THSD4: variants seen among roughly 807,000 people sequenced by gnomAD.
THSD4 encodes the protein thrombospondin type 1 domain containing 4, also known as thrombospondin type-1 domain-containing protein 4.
A neutral mutation model predicts 119.0 loss-of-function variants in THSD4; 69 were observed. The observed-to-expected ratio is 0.58, with a 90% confidence interval of 0.48 to 0.71. The LOEUF is 0.71. Among genes scored for constraint, THSD4 ranks in the 30% least tolerant of loss-of-function variants. The probability of loss-of-function intolerance (pLI) is 0.00; values close to 1 mark genes in which losing one functional copy is unlikely to be tolerated. For synonymous variants in THSD4, 524 were observed against 540.4 expected (o/e 0.97, Z 0.42); for missense variants, 1,393 against 1,391.1 (o/e 1.00, Z -0.02).
chr15:71,693,357 A>G (rs1404450501), intron 8 of THSD4, among the ~76,000 whole-genome samples: 2 of 152,174 alleles, frequency 1.3e-5, no homozygotes, highest in African/African-American at 2.4e-5. Flanking sequence ...GGATAAAGAA[A>G]CAAAGCCAAC....
intron 7 of THSD4, among the ~76,000 whole-genome samples, chr15:71,527,572 A>G (rs181136731): frequency 2.2e-4 from 33 of 152,256 alleles, no homozygotes; most frequent in African/African-American, 7.2e-4. Flanking sequence ...CGACATCATC[A>G]GTTAGGTTCT....
intron 3 of THSD4, among the ~76,000 whole-genome samples, chr15:71,194,325 C>T (rs1465448274): frequency 6.6e-6 from 1 of 152,184 alleles, no homozygotes; most frequent in Non-Finnish European, 1.5e-5. Flanking sequence ...CGAGGTTGCT[C>T]TTCTTGCCAC....
At chr15:71,649,564 G>A (rs6494951) in intron 7 of THSD4, among the ~76,000 whole-genome samples, 60,838 of 152,066 alleles carry the variant, frequency 0.4, 12,938 homozygotes, top group East Asian at 0.83. Flanking sequence ...GGCATGAGCC[G>A]TGCACCAGCC....
intron 7 of THSD4, among the ~76,000 whole-genome samples, chr15:71,554,377 G>T (rs188218697): frequency 1.3e-5 from 2 of 151,400 alleles, no homozygotes; most frequent in South Asian, 4.2e-4. Context: ...TTACAGGCGT[G>T]AGACACCATG....
intron 7 of THSD4, among the ~76,000 whole-genome samples, chr15:71,619,695 A>G (rs1157877485): frequency 2.0e-5 from 3 of 152,168 alleles, no homozygotes; most frequent in East Asian, 1.9e-4. Context: ...ATATTCAAAC[A>G]TGTAACTCCA....
At chr15:71,398,865 C>T (rs2046485689) in intron 6 of THSD4, among the ~76,000 whole-genome samples, 2 of 151,906 alleles carry the variant, frequency 1.3e-5, no homozygotes. Context: ...TGTTAGAAAT[C>T]CAGAACAGAA....
At chr15:71,354,551 A>G (rs1224738150) in intron 6 of THSD4, among the ~76,000 whole-genome samples, 2 of 152,204 alleles carry the variant, frequency 1.3e-5, no homozygotes, top group African/African-American at 2.4e-5. Context: ...ATTTAACATA[A>G]ATTTGTTGAA....
chr15:71,568,500 A>C lies in THSD4; in HGVS notation c.1153-92030A>C, dbSNP rs1281567092. Among the ~76,000 whole-genome samples the C allele has an allele frequency of 1.3e-5, 2 of 152,096 alleles. 1 individual carries two copies. Among genetic ancestry groups the C allele is most frequent in the East Asian group, 3.9e-4 (2 of 5,190 alleles). On this transcript the variant is annotated intron_variant, in intron 7 of 17. Coordinates refer to ENST00000261862, the MANE Select transcript of THSD4 (RefSeq NM_024817.3). ...TTTTCAAAACAAGTAAAACAGAAAA[A>C]TAAAGTGCAAGTACCAACAGAAGCA...
At position 71,720,293 on chromosome 15, in the gene THSD4, C is replaced by T. The variant is rs568806699; in HGVS notation, c.1358-8256C>T. Among the ~76,000 whole-genome samples, 221 of 150,688 alleles carry T rather than the reference C, an allele frequency of 1.5e-3. 2 individuals are homozygous for T. Among genetic ancestry groups the T allele is most frequent in the African/African-American group, 5.3e-3 (216 of 41,008 alleles). On this transcript the variant is annotated intron_variant, in intron 8 of 17. Coordinates refer to ENST00000261862, the MANE Select transcript of THSD4 (RefSeq NM_024817.3). ...CTTGAACTCCTGGGCTAAAAGGATC[C>T]GCCCACCTAGGCCTCCCAAAGTGCT... is the stretch of plus-strand genomic sequence containing the variant.
intron 2 of THSD4, 38 bp downstream of exon 2, chr15:71,141,594 A>G: frequency 6.3e-7 from 1 of 1,585,930 alleles, no homozygotes; most frequent in South Asian, 1.2e-5. Flanking sequence ...ACAGGAGAAT[A>G]AGAAATTTGA....
At chr15:71,260,520 G>GT (rs1258987915) in intron 6 of THSD4, among the ~76,000 whole-genome samples, 1 of 152,138 alleles carries the variant, frequency 6.6e-6, no homozygotes, top group Non-Finnish European at 1.5e-5. Context: ...ACTCTTGGTT[G>GT]TAAGTGACAG....
intron 7 of THSD4, among the ~76,000 whole-genome samples, chr15:71,597,041 A>G (rs2049918746): frequency 6.6e-6 from 1 of 152,212 alleles, no homozygotes; most frequent in Admixed American, 6.5e-5. Context: ...TTTTTCTGTC[A>G]GTCCAAATTC....
intron 6 of THSD4, among the ~76,000 whole-genome samples, chr15:71,332,269 A>G (rs111750809): frequency 0.014 from 2,202 of 152,288 alleles, 59 homozygotes; most frequent in African/African-American, 0.05. Context: ...CCGTTGGTCA[A>G]TTTCATTGCC....
At chr15:71,099,385 T>C (rs2415104) in intron 1 of THSD4, among the ~76,000 whole-genome samples, 35,213 of 152,086 alleles carry the variant, frequency 0.23, 5,375 homozygotes, top group African/African-American at 0.44. Context: ...GTCTTCAACT[T>C]TATGGGCTTG....
chr15:71,149,348 C>T (rs1302176393), intron 2 of THSD4, among the ~76,000 whole-genome samples: 2 of 152,122 alleles, frequency 1.3e-5, no homozygotes, highest in Admixed American at 6.5e-5. Context: ...TGGGTTCAAG[C>T]GATTCTCCTG....
intron 7 of THSD4, among the ~76,000 whole-genome samples, chr15:71,606,652 T>C (rs1051128023): frequency 1.2e-4 from 19 of 152,206 alleles, no homozygotes; most frequent in Non-Finnish European, 2.2e-4. Flanking sequence ...GCAATTCTCC[T>C]GCCTCAGCCT....
chr15:71,617,869 T>C (rs1057364908), intron 7 of THSD4, among the ~76,000 whole-genome samples: 9 of 152,206 alleles, frequency 5.9e-5, no homozygotes, highest in African/African-American at 2.2e-4. Flanking sequence ...TAAAACAAAA[T>C]TGAATTATGA....
intron 14 of THSD4, among the ~76,000 whole-genome samples, chr15:71,749,980 C>T (rs572439504): frequency 6.6e-6 from 1 of 152,242 alleles, no homozygotes; most frequent in Non-Finnish European, 1.5e-5. Flanking sequence ...TCTGCCACCT[C>T]GGCCTCCCGA....
Position 71,771,209 on chromosome 15 carries a change from G to A in THSD4, c.2914+1G>A. On this transcript the variant is annotated splice_donor_variant, in intron 17 of 17. Coordinates refer to ENST00000261862, the MANE Select transcript of THSD4 (RefSeq NM_024817.3). LOFTEE classifies it high-confidence loss of function. ...CCTCAGGACTGTGTCCCTGAAGTTG[G>A]TAAGTAGAGATTTCAATCATGGGGG... is the stretch of plus-strand genomic sequence containing the variant. 3 of 1,613,160 alleles carry A rather than the reference G, an allele frequency of 1.9e-6. No homozygotes were observed. The highest frequency in any genetic ancestry group is 2.2e-5 in the East Asian group (1 of 44,870).
Sources: allele counts gnomAD v4.1 joint callset (sites outside exome capture counted in the v4.1 genomes callset), GRCh38; gene constraint gnomAD v4.1.1; transcripts MANE v1.5; gene names NCBI Gene and HGNC (gene_info 2026-07-23, HGNC 2026-07-21).